The following TTC21B variants were observed in gnomAD, a reference collection of about 807,000 sequenced individuals.
TTC21B encodes the protein tetratricopeptide repeat domain 21B, also known as tetratricopeptide repeat protein 21B.
TTC21B carries 127 observed loss-of-function variants against 175.1 expected under a neutral mutation model. The observed-to-expected ratio is 0.73, with a 90% CI of 0.63 to 0.84. TTC21B has a LOEUF of 0.84. TTC21B is among the 40% of genes least tolerant of loss of function. The pLI, the probability that TTC21B is intolerant of heterozygous loss-of-function variation, is 0.00. For missense variants in TTC21B, 1,561 were observed against 1,558.3 expected, an observed-to-expected ratio of 1.00 and a Z score of -0.03; for synonymous variants, 524 against 524.5, an observed-to-expected ratio of 1.00 and a Z score of 0.01.
intron 12 of TTC21B, among the ~76,000 whole-genome samples, chr2:165,922,775 C>G (rs1686465032): frequency 6.6e-6 from 1 of 152,054 alleles, no homozygotes; most frequent in African/African-American, 2.4e-5. Flanking sequence ...CAAAAAGTCA[C>G]CTGCATGTGT....
At chr2:165,951,415 A>G (rs1044298670) in intron 1 of TTC21B, among the ~76,000 whole-genome samples, 4 of 152,212 alleles carry the variant, frequency 2.6e-5, no homozygotes, top group African/African-American at 9.6e-5. Flanking sequence ...TCTGAAAAAA[A>G]TAAGTTCCTC....
At chr2:165,928,906 T>C (rs1686777990) in intron 11 of TTC21B, 2 of 503,284 alleles carry the variant, frequency 4.0e-6, no homozygotes, top group South Asian at 2.1e-5. Flanking sequence ...AAACTGAAGA[T>C]TTTAAGATTT....
chr2:165,893,292 C>T (rs927084811), intron 22 of TTC21B, among the ~76,000 whole-genome samples: 4 of 152,010 alleles, frequency 2.6e-5, no homozygotes, highest in Non-Finnish European at 4.4e-5. Flanking sequence ...AGAGTAACTA[C>T]CCCATAATAA....
chr2:165,876,166 T>G lies in TTC21B; in HGVS notation c.3872A>C (p.Gln1291Pro). The change falls in exon 28 of 29, where the codon CAG becomes CCG. Residue 1291 changes from glutamine to proline, a missense_variant and splice_region_variant. Gln to Pro is a moderately conservative substitution (Grantham distance 76, BLOSUM62 -1). Transcript: ENST00000243344. Reference protein sequence around the residue: ...RYVDSIDICHQVLEAHPTYPK... With the variant: ...RYVDSIDICHPVLEAHPTYPK... ...AGAAATCTAAATTTAAGTGTTTACC[T>G]GGTGACATATGTCAATTGAATCCAC... The G allele has an allele frequency of 1.3e-6, 2 of 1,585,914 alleles. No homozygotes were observed. Among genetic ancestry groups the G allele is most frequent in the Non-Finnish European group, 1.7e-6 (2 of 1,156,822 alleles).
intron 26 of TTC21B, among the ~76,000 whole-genome samples, chr2:165,882,984 T>C (rs560992772): frequency 1.3e-4 from 20 of 152,258 alleles, no homozygotes; most frequent in Admixed American, 4.6e-4. Context: ...TGCTTGGATC[T>C]TTCAGGTTCT....
intron 24 of TTC21B, among the ~76,000 whole-genome samples, chr2:165,890,066 G>A (rs1410650729): frequency 5.3e-5 from 8 of 152,242 alleles, no homozygotes; most frequent in Non-Finnish European, 7.4e-5. Flanking sequence ...CTGCAATACT[G>A]TTATAGAAAA....
Position 165,919,161 on chromosome 2 carries a change from TCCA to T in TTC21B, c.1674+112_1674+114del. 21 of 1,256,434 alleles carry T rather than the reference TCCA, an allele frequency of 1.7e-5. No homozygotes were observed. The Admixed American group carries it at 2.8e-4, about 17-fold the overall frequency. The allele number at this position is 1,256,434 out of a possible 1,614,324, so 77.8% of individuals were successfully genotyped here. On this transcript the variant is annotated intron_variant, in intron 13 of 28. Transcript: ENST00000243344. The stretch of plus-strand genomic sequence containing the variant: ...ACTGCTTGTGAGTTCCATTTTTTTT[TCCA>T]TTAAAAATGCAACTGTTAGCAAAAT...
chr2:165,880,120 G>A (rs958431974), intron 27 of TTC21B, among the ~76,000 whole-genome samples: 1 of 152,088 alleles, frequency 6.6e-6, no homozygotes, highest in African/African-American at 2.4e-5. Flanking sequence ...CATATATTCT[G>A]ATGCCACCTC....
At chr2:165,919,540 T>C (rs551919585) in intron 12 of TTC21B, 107 bp from the exon 13 acceptor site, 212 of 1,289,046 alleles carry the variant, frequency 1.6e-4, no homozygotes, top group Middle Eastern at 1.4e-3. Context: ...CTAGTGTTTG[T>C]AAACTTAAAG....
chr2:165,925,655 G>C (rs1163327379), intron 11 of TTC21B, among the ~76,000 whole-genome samples: 9 of 152,036 alleles, frequency 5.9e-5, no homozygotes, highest in Admixed American at 5.9e-4. Context: ...TTATTGCCTA[G>C]AATACTTCAA....
intron 24 of TTC21B, 152 bp downstream of exon 24, chr2:165,890,327 C>T: frequency 1.4e-6 from 1 of 695,298 alleles, no homozygotes; most frequent in South Asian, 1.9e-5. Context: ...AATAACTATT[C>T]TCTGAAACAG....
At chr2:165,878,055 C>T (rs763585755) in intron 27 of TTC21B, among the ~76,000 whole-genome samples, 41 of 152,072 alleles carry the variant, frequency 2.7e-4, no homozygotes, top group Admixed American at 4.6e-4. Flanking sequence ...GTTTCCTCAT[C>T]GCTAAAACAG....
intron 5 of TTC21B, among the ~76,000 whole-genome samples, chr2:165,942,831 CTTATT>C (rs1328539577): frequency 1.3e-5 from 2 of 152,146 alleles, no homozygotes; most frequent in African/African-American, 2.4e-5. Flanking sequence ...ATATAACTTA[CTTATT>C]TTGTTTATTG....
At chr2:165,950,768 T>G (rs947745549) in intron 1 of TTC21B, among the ~76,000 whole-genome samples, 2 of 152,136 alleles carry the variant, frequency 1.3e-5, no homozygotes, top group Non-Finnish European at 2.9e-5. Context: ...CCACCGCACC[T>G]GGCTAATTTT....
At chr2:165,894,239 G>A (rs1385740988) in intron 22 of TTC21B, among the ~76,000 whole-genome samples, 1 of 152,142 alleles carries the variant, frequency 6.6e-6, no homozygotes, top group Non-Finnish European at 1.5e-5. Flanking sequence ...AGCTCAAGGC[G>A]ATCTGGAGAT....
intron 25 of TTC21B, among the ~76,000 whole-genome samples, chr2:165,887,518 C>G (rs1330009740): frequency 6.6e-6 from 1 of 152,008 alleles, no homozygotes; most frequent in Non-Finnish European, 1.5e-5. Context: ...AAAACCCCTT[C>G]TCTACTAAAA....
At chr2:165,931,222 C>A (rs1686894573) in intron 8 of TTC21B, among the ~76,000 whole-genome samples, 1 of 151,850 alleles carries the variant, frequency 6.6e-6, no homozygotes, top group African/African-American at 2.4e-5. Context: ...ATTATTTTAA[C>A]CTTCTTAGTT....
chr2:165,904,202 T>A (rs945715201), intron 19 of TTC21B, among the ~76,000 whole-genome samples: 5 of 147,098 alleles, frequency 3.4e-5, no homozygotes, highest in African/African-American at 1.3e-4. Flanking sequence ...ACACTTTCCT[T>A]GTAGCTTCTG....
chr2:165,929,738 T>G lies in TTC21B; in HGVS notation c.1097A>C (p.Gln366Pro), dbSNP rs771701833. The change falls in exon 10 of 29, where the codon CAA (glutamine) becomes CCA (proline). Residue 366 changes from glutamine (Q) to proline (P), a missense_variant. Transcript: ENST00000243344. ...TSVSALVGFI[Q>P]CQLIEGQLQD... ...TAATTGCCCTTCTATCAACTGACAT[T>G]GGATAAATCCTAAAATCAAACAGCA... The G allele has an allele frequency of 1.9e-6, 3 of 1,610,432 alleles. No homozygotes were observed. The South Asian group carries it at 3.3e-5, about 18-fold the overall frequency.
Sources: gnomAD v4.1 joint callset for allele counts (sites outside exome capture counted in the v4.1 genomes callset) on GRCh38, gnomAD v4.1.1 for gene constraint, MANE v1.5 for transcripts, NCBI Gene and HGNC (gene_info 2026-07-23, HGNC 2026-07-21) for gene names.